ZNF665: variants seen among roughly 807,000 people sequenced by gnomAD.
The protein encoded by ZNF665 is zinc finger protein 665.
A neutral mutation model predicts 7.9 loss-of-function variants in ZNF665; 6 were observed. The ratio of observed to expected loss-of-function variants is 0.76; its 90% CI spans 0.42 to 1.50. ZNF665 has a LOEUF of 1.50. Ranked by LOEUF, ZNF665 falls within the 40% of genes most tolerant of loss-of-function variation. The probability of loss-of-function intolerance (pLI) is 0.01; values close to 1 mark genes in which losing one functional copy is unlikely to be tolerated. For missense variants in ZNF665, 819 were observed against 806.7 expected (o/e 1.02, Z -0.18); for synonymous variants, 242 against 274.5 (o/e 0.88, Z 1.17).
Position 53,165,401 on chromosome 19 carries a change from C to T in ZNF665, c.1089G>A (p.Lys363=). 1 of 1,613,430 alleles carries T rather than the reference C, an allele frequency of 6.2e-7. No individual in the cohort carries two copies. Among genetic ancestry groups the T allele is most frequent in the Non-Finnish European group, 8.5e-7 (1 of 1,179,854 alleles). The change falls in exon 4 of 4, where the codon AAG becomes AAA. Residue 363 remains lysine (K), a synonymous_variant. Transcript: ENST00000396424. The stretch of plus-strand genomic sequence containing the variant: ...TCTCACCAGTATGAATTCGCCGATG[C>T]TTTGCAAGGTATGAATTGTGCCTGA... ...KVFRHNSYLA[K]HRRIHTGEKP...
At chr19:53,183,735 G>A (rs553961930) in intron 1 of ZNF665, among the ~76,000 whole-genome samples, 1 of 152,290 alleles carries the variant, frequency 6.6e-6, no homozygotes, top group South Asian at 2.1e-4. Context: ...TAGGAAGGGT[G>A]TTTGCACCTG....
chr19:53,185,737 C>T (rs920684508), intron 1 of ZNF665, among the ~76,000 whole-genome samples: 2 of 151,256 alleles, frequency 1.3e-5, no homozygotes, highest in Admixed American at 6.6e-5. Flanking sequence ...ACGTGATCAG[C>T]GAGGTATCAA....
rs150554635 is a variant in ZNF665 at position 53,177,536 on chromosome 19, C to CAAACAAAACAAAACA, written c.16-1980_16-1966dup. Reference sequence around the variant, plus strand: ...CACTCCAGCCTGGGCAACAGGGAGACAAACAAAACAAAACAAAACAAAACA... The same window carrying CAAACAAAACAAAACA: ...CACTCCAGCCTGGGCAACAGGGAGACAAACAAAACAAAACAAAACAAAACAAAACAAAACAAAACA... On this transcript the variant is annotated intron_variant, in intron 2 of 3. Coordinates refer to ENST00000396424, the MANE Select transcript of ZNF665 (RefSeq NM_024733.5). 2.7e-4 allele frequency among the ~76,000 whole-genome samples: 40 copies of CAAACAAAACAAAACA among 149,220 alleles called. No individual in the cohort carries two copies. The East Asian group carries it at 3.0e-3, about 11-fold the overall frequency.
intron 3 of ZNF665, among the ~76,000 whole-genome samples, chr19:53,169,813 T>C (rs2090644071): frequency 6.7e-6 from 1 of 148,940 alleles, no homozygotes; most frequent in Non-Finnish European, 1.5e-5. Flanking sequence ...AATAGTTTAC[T>C]GAGAATGATG....
intron 3 of ZNF665, among the ~76,000 whole-genome samples, chr19:53,171,803 A>T (rs1234754036): frequency 6.6e-6 from 1 of 151,970 alleles, no homozygotes; most frequent in Non-Finnish European, 1.5e-5. Flanking sequence ...TGCCCAAGCT[A>T]GAGGGCAGTG....
rs1568668534 is a variant in ZNF665 at position 53,189,063 on chromosome 19, G to GTGTGTGTGTGTA, written c.-46+4248_-46+4249insTACACACACACA. 2.2e-3 allele frequency among the ~76,000 whole-genome samples: 229 copies of GTGTGTGTGTGTA among 104,368 alleles called. 3 individuals are homozygous for GTGTGTGTGTGTA. The highest frequency in any genetic ancestry group is 7.4e-3 in the African/African-American group (223 of 30,166). The allele number at this position is 104,368 out of a possible 152,430, so 68.5% of individuals were successfully genotyped here. ...AAGGCTTTATTTTCTGTGTGTGTGT[G>GTGTGTGTGTGTA]TGTGTGTGTGTGTGTGTGTGTGTGA... On this transcript the variant is annotated intron_variant, in intron 1 of 3. Coordinates refer to ENST00000396424, the MANE Select transcript of ZNF665 (RefSeq NM_024733.5).
Position 53,165,962 on chromosome 19 carries a change from T to A in ZNF665, c.528A>T (p.Lys176Asn). The change falls in exon 4 of 4, where the codon AAA becomes AAT. Residue 176 changes from lysine (K) to asparagine (N), a missense_variant. Coordinates refer to ENST00000396424, the MANE Select transcript of ZNF665 (RefSeq NM_024733.5). ...TGCCACATTCATCACATTTATAATG[T>A]TTTCCTCGATTATTAGGAGACTTCT... is the stretch of plus-strand genomic sequence containing the variant. ...QVEKSPNNRG[K>N]HYKCDECGKV... is the part of the protein sequence containing the mutation. 1 of 1,613,840 alleles carries A rather than the reference T, an allele frequency of 6.2e-7. No individual in the cohort carries two copies. The highest frequency in any genetic ancestry group is 8.5e-7 in the Non-Finnish European group (1 of 1,179,810).
At chr19:53,174,994 A>G (rs1390112517) in intron 3 of ZNF665, among the ~76,000 whole-genome samples, 4 of 151,828 alleles carry the variant, frequency 2.6e-5, no homozygotes, top group Non-Finnish European at 4.4e-5. Context: ...AAAAAAAGAA[A>G]TATAATGTGC....
intron 2 of ZNF665, among the ~76,000 whole-genome samples, chr19:53,177,097 C>T (rs1422601410): frequency 6.6e-6 from 1 of 152,106 alleles, no homozygotes; most frequent in African/African-American, 2.4e-5. Flanking sequence ...CCAGCCTGGG[C>T]AACAGAGCGA....
In ZNF665 at chr19:53,164,397, C is replaced by G; in HGVS notation, c.*56G>C. On this transcript the variant is annotated 3_prime_UTR_variant, in exon 4 of 4. Transcript: ENST00000396424. ...AGGTGATCCCCCCGCCTCGGCCTCC[C>G]AAAGTGCTGGGATTACAGGCGTGAG... 7.1e-7 allele frequency: 1 copy of G among 1,418,404 alleles called. No individual in the cohort carries two copies. The highest frequency in any genetic ancestry group is 9.4e-7 in the Non-Finnish European group (1 of 1,066,088). 87.9% of individuals were successfully genotyped at this position (1,418,404 alleles called of 1,614,324 possible).
At chr19:53,168,005 G>A (rs1418578328) in intron 3 of ZNF665, among the ~76,000 whole-genome samples, 2 of 135,712 alleles carry the variant, frequency 1.5e-5, no homozygotes, top group Admixed American at 7.9e-5. Context: ...GCAGTGAGCC[G>A]AGATTGTGCC....
chr19:53,164,348 G>T lies in ZNF665; in HGVS notation c.*105C>A. Reference sequence around the variant, plus strand: ...AGACAGCGTTTCACCGTGTTGGCCAGCCTGGTCTCGAACTCGAGACCTCAG... The same window carrying T: ...AGACAGCGTTTCACCGTGTTGGCCATCCTGGTCTCGAACTCGAGACCTCAG... On this transcript the variant is annotated 3_prime_UTR_variant, in exon 4 of 4. Coordinates refer to ENST00000396424, the MANE Select transcript of ZNF665 (RefSeq NM_024733.5). 3.4e-6 allele frequency: 3 copies of T among 894,382 alleles called. No individual in the cohort carries two copies. Among genetic ancestry groups the T allele is most frequent in the South Asian group, 1.9e-5 (1 of 52,426 alleles). The allele number at this position is 894,382 out of a possible 1,614,324, so 55.4% of individuals were successfully genotyped here.
In ZNF665 at chr19:53,171,504, G is replaced by GTGTGTATATATA. The variant is rs140482885; in HGVS notation, c.142+3940_142+3941insTATATATACACA. On this transcript the variant is annotated intron_variant, in intron 3 of 3. Transcript: ENST00000396424. ...TCTTTACATTTGTGTGTGTGTGTGT[G>GTGTGTATATATA]TATATATATATATATATATATTTTT... 7.5e-3 allele frequency among the ~76,000 whole-genome samples: 433 copies of GTGTGTATATATA among 57,660 alleles called. 6 individuals are homozygous for GTGTGTATATATA. The highest frequency in any genetic ancestry group is 0.014 in the Middle Eastern group (1 of 74). 37.8% of individuals were successfully genotyped at this position (57,660 alleles called of 152,430 possible).
At chr19:53,189,755 C>G (rs1019909028) in intron 1 of ZNF665, among the ~76,000 whole-genome samples, 4 of 150,990 alleles carry the variant, frequency 2.6e-5, no homozygotes, top group South Asian at 4.3e-4. Context: ...GGAGTAGAGT[C>G]TTCTCTAAAC....
intron 3 of ZNF665, among the ~76,000 whole-genome samples, chr19:53,167,357 A>T (rs972917967): frequency 1.7e-4 from 26 of 152,046 alleles, no homozygotes; most frequent in Non-Finnish European, 3.8e-4. Context: ...ATAATAATCG[A>T]AATTAAGAAA....
rs191694885 is a variant in ZNF665, at chr19:53,170,249, A to G, written c.143-3902T>C. Among the ~76,000 whole-genome samples, 214 of 152,338 alleles carry G rather than the reference A, an allele frequency of 1.4e-3. 1 individual carries two copies. The highest frequency in any genetic ancestry group is 4.8e-3 in the African/African-American group (201 of 41,586). On this transcript the variant is annotated intron_variant, in intron 3 of 3. Coordinates refer to ENST00000396424, the MANE Select transcript of ZNF665 (RefSeq NM_024733.5). ...TTCTAACTGGTGTGAGGAATGGAAT[A>G]TAACTTTTTTAAAAAAAACTTTTAT...
chr19:53,173,889 A>G (rs1197819431), intron 3 of ZNF665, among the ~76,000 whole-genome samples: 1 of 152,196 alleles, frequency 6.6e-6, no homozygotes, highest in Non-Finnish European at 1.5e-5. Context: ...ATTTCTGTCC[A>G]CTGTACTTAA....
At chr19:53,193,073 C>T (rs2090830412) in intron 1 of ZNF665, among the ~76,000 whole-genome samples, 1 of 152,052 alleles carries the variant, frequency 6.6e-6, no homozygotes, top group African/African-American at 2.4e-5. Context: ...AAGCAGGAAA[C>T]GGCGCAGGAA....
chr19:53,190,928 C>T (rs748180222), intron 1 of ZNF665, among the ~76,000 whole-genome samples: 19 of 138,482 alleles, frequency 1.4e-4, no homozygotes, highest in African/African-American at 2.0e-4. Context: ...AGCAAGACTC[C>T]GTCTCAAAAA....
Sources: allele counts gnomAD v4.1 joint callset (sites outside exome capture counted in the v4.1 genomes callset), GRCh38; gene constraint gnomAD v4.1.1; transcripts MANE v1.5; gene names NCBI Gene and HGNC (gene_info 2026-07-23, HGNC 2026-07-21).